The following TTC7B variants were observed in gnomAD, a reference collection of about 807,000 sequenced individuals.
TTC7B encodes the protein tetratricopeptide repeat protein 7B.
Under a neutral mutation model 106.8 loss-of-function variants are expected in TTC7B, and 28 were observed. The ratio of observed to expected loss-of-function variants is 0.26; its 90% CI spans 0.19 to 0.36. TTC7B has a LOEUF of 0.36. TTC7B is among the 10% of genes least tolerant of loss of function. The probability of loss-of-function intolerance (pLI) is 1.00; values close to 1 mark genes in which losing one functional copy is unlikely to be tolerated. For missense variants in TTC7B, 862 were observed against 1,076.4 expected (o/e 0.80, Z 2.79); for synonymous variants, 405 against 430.6 (o/e 0.94, Z 0.74).
rs925970950 is a variant in TTC7B at position 90,624,082 on chromosome 14, G to A, written c.1752-6037C>T. Among the ~76,000 whole-genome samples, 3 of 152,106 alleles carry A rather than the reference G, an allele frequency of 2.0e-5. No homozygotes were observed. The highest frequency in any genetic ancestry group is 6.6e-5 in the Admixed American group (1 of 15,256). Reference sequence around the variant, plus strand: ...TGAGTGTGCCTGTATGCATATGCGTGTGCGTGTATATGTGTGCATGTGTGT... The same window carrying A: ...TGAGTGTGCCTGTATGCATATGCGTATGCGTGTATATGTGTGCATGTGTGT... On this transcript the variant is annotated intron_variant, in intron 15 of 19. Transcript: ENST00000328459. The surrounding 1 kb of genome is among the most constrained non-coding windows in gnomAD (Gnocchi z 4.0).
At chr14:90,744,749 G>C (rs773155322) in intron 4 of TTC7B, 43 bp downstream of exon 4, 1 of 1,599,024 alleles carries the variant, frequency 6.3e-7, no homozygotes, top group Non-Finnish European at 8.5e-7. Context: ...TATCTGATTT[G>C]AGGGAAAAAG....
At chr14:90,708,519 T>G (rs1203072365) in intron 5 of TTC7B, among the ~76,000 whole-genome samples, 1 of 152,210 alleles carries the variant, frequency 6.6e-6, no homozygotes, top group Non-Finnish European at 1.5e-5. Flanking sequence ...AAAGCCTGGA[T>G]GAAAGCACAT....
At chr14:90,561,854 G>A (rs1890602895) in intron 19 of TTC7B, among the ~76,000 whole-genome samples, 1 of 152,188 alleles carries the variant, frequency 6.6e-6, no homozygotes, top group South Asian at 2.1e-4. Flanking sequence ...GGCGAGTCTG[G>A]CAAAGCCAGC....
At chr14:90,623,679 C>CT (rs1166528279) in intron 15 of TTC7B, among the ~76,000 whole-genome samples, 2 of 152,236 alleles carry the variant, frequency 1.3e-5, no homozygotes, top group South Asian at 4.1e-4. Context: ...GGCGTTTGGG[C>CT]TACCAGGGTG....
At chr14:90,609,048 C>T (rs964998617) in intron 17 of TTC7B, among the ~76,000 whole-genome samples, 4 of 152,212 alleles carry the variant, frequency 2.6e-5, no homozygotes, top group African/African-American at 9.6e-5. Flanking sequence ...CCTCACCTTG[C>T]AGTGGCTAGT....
Position 90,657,907 on chromosome 14 carries a change from A to AATGT in TTC7B, c.1236+396_1236+397insACAT. 1 of 198,548 alleles carries AATGT rather than the reference A, an allele frequency of 5.0e-6. No homozygotes were observed. Among genetic ancestry groups the AATGT allele is most frequent in the South Asian group, 8.3e-5 (1 of 12,014 alleles). The allele number at this position is 198,548 out of a possible 1,614,324, so 12.3% of individuals were successfully genotyped here. ...TTCTATCCTGCCGTTGGACTCCCTCAGCCCACATTTTCATCCAGTATCATG... is the reference window on the plus strand; with the variant it reads ...TTCTATCCTGCCGTTGGACTCCCTCAATGTGCCCACATTTTCATCCAGTATCATG... On this transcript the variant is annotated intron_variant, in intron 10 of 19. Coordinates refer to ENST00000328459, the MANE Select transcript of TTC7B (RefSeq NM_001010854.2). This position sits in a 1 kb window ranked among gnomAD's most constrained non-coding sequence, Gnocchi z 4.2.
intron 3 of TTC7B, among the ~76,000 whole-genome samples, chr14:90,768,278 CCA>C (rs1454691080): frequency 2.0e-5 from 3 of 152,128 alleles, no homozygotes; most frequent in Non-Finnish European, 2.9e-5. Flanking sequence ...ACTCACAGTT[CCA>C]CATAGCTGGG....
At chr14:90,719,751 G>A (rs753220101) in intron 5 of TTC7B, among the ~76,000 whole-genome samples, 4 of 152,158 alleles carry the variant, frequency 2.6e-5, no homozygotes, top group Admixed American at 6.5e-5. Flanking sequence ...GGGTGTCAAG[G>A]GCAGCCTATG....
Position 90,610,829 on chromosome 14 carries a change from G to A in TTC7B, c.1879C>T (p.Arg627Cys), listed in dbSNP as rs754142303. The A allele has an allele frequency of 1.4e-5, 23 of 1,613,046 alleles. No homozygotes were observed. Among genetic ancestry groups the A allele is most frequent in the East Asian group, 2.2e-5 (1 of 44,890 alleles). Residue 627 changes from arginine to cysteine, a missense_variant, in exon 17 of 20, where the codon CGT (arginine) becomes TGT (cysteine). Physicochemically the swap from Arg to Cys is radical, Grantham distance 180. Transcript: ENST00000328459. ...GTTCTATCTAAGAGGCTGCTCCCAC[G>A]TCCAGAATCACTGCAAAACACAGCT... ...YNLTNPSDSGRGSSLLDRTIA... is the reference protein window; with the variant it reads ...YNLTNPSDSGCGSSLLDRTIA...
chr14:90,701,782 ATGTG>A (rs34677795), intron 5 of TTC7B, among the ~76,000 whole-genome samples: 9 of 132,582 alleles, frequency 6.8e-5, no homozygotes, highest in African/African-American at 1.2e-4. Flanking sequence ...ATATATGTAT[ATGTG>A]TGTGTGTGTG....
At chr14:90,616,338 G>C (rs1893072418) in intron 16 of TTC7B, among the ~76,000 whole-genome samples, 1 of 152,226 alleles carries the variant, frequency 6.6e-6, no homozygotes, top group Non-Finnish European at 1.5e-5. Context: ...TTTGCTTCCA[G>C]ACTTAGAAAT....
intron 3 of TTC7B, among the ~76,000 whole-genome samples, chr14:90,769,225 T>C (rs1182310997): frequency 6.6e-6 from 1 of 151,620 alleles, no homozygotes; most frequent in South Asian, 2.1e-4. Context: ...ACAAAAAAAA[T>C]CAACTAACAA....
intron 5 of TTC7B, among the ~76,000 whole-genome samples, chr14:90,722,380 T>C (rs1888930756): frequency 1.3e-5 from 2 of 152,188 alleles, no homozygotes; most frequent in African/African-American, 2.4e-5. Flanking sequence ...GACGTGGCTC[T>C]GGTGGCACTA....
chr14:90,598,113 C>T (rs1443949096), intron 17 of TTC7B, among the ~76,000 whole-genome samples: 1 of 152,224 alleles, frequency 6.6e-6, no homozygotes, highest in Non-Finnish European at 1.5e-5. Context: ...GCAGCGGCTG[C>T]CGTGCTCCGT....
At chr14:90,576,958 T>G (rs1423888844) in intron 19 of TTC7B, among the ~76,000 whole-genome samples, 1 of 152,152 alleles carries the variant, frequency 6.6e-6, no homozygotes, top group African/African-American at 2.4e-5. Flanking sequence ...GACACTGAGG[T>G]GCTGAGAGCT....
Position 90,730,143 on chromosome 14 carries a change from G to A in TTC7B, c.630C>T (p.His210=), listed in dbSNP as rs1341014797. Residue 210 remains histidine (H), a synonymous_variant, in exon 5 of 20, where the codon CAC becomes CAT. Transcript: ENST00000328459. ...NRSPKPGPAP[H]DQELGFFLET... is the part of the protein sequence containing the mutation. ...CTAGGAAAAAACCTAGTTCTTGATCGTGGGGAGCAGGGCCAGGCTTAGGGC... is the reference window on the plus strand; with the variant it reads ...CTAGGAAAAAACCTAGTTCTTGATCATGGGGAGCAGGGCCAGGCTTAGGGC... 3.7e-6 allele frequency: 6 copies of A among 1,613,818 alleles called. No homozygotes were observed. Among genetic ancestry groups the A allele is most frequent in the Non-Finnish European group, 4.2e-6 (5 of 1,179,908 alleles).
chr14:90,596,272 C>T (rs944400524), intron 17 of TTC7B, among the ~76,000 whole-genome samples: 11 of 152,226 alleles, frequency 7.2e-5, no homozygotes, highest in African/African-American at 2.6e-4. Context: ...TTTGGAGGGG[C>T]TAATTTTGGT....
At chr14:90,543,272 C>T (rs942696839) in intron 19 of TTC7B, among the ~76,000 whole-genome samples, 1 of 152,222 alleles carries the variant, frequency 6.6e-6, no homozygotes, top group Non-Finnish European at 1.5e-5. Context: ...AGAGCTGACA[C>T]ATGTTCAATT....
At chr14:90,636,113 T>A (rs1197106721) in intron 15 of TTC7B, among the ~76,000 whole-genome samples, 44 of 147,802 alleles carry the variant, frequency 3.0e-4, no homozygotes, top group African/African-American at 1.1e-3. Context: ...AGAGTGAGAC[T>A]CCATCTCAAA....
Sources: gnomAD v4.1 joint callset for allele counts (sites outside exome capture counted in the v4.1 genomes callset) on GRCh38, gnomAD v4.1.1 for gene constraint, Gnocchi (gnomAD v3.1) non-coding constraint, MANE v1.5 for transcripts, NCBI Gene and HGNC (gene_info 2026-07-23, HGNC 2026-07-21) for gene names.